PXDNL: variants seen among roughly 807,000 people sequenced by gnomAD.
PXDNL encodes probable oxidoreductase PXDNL.
Under a neutral mutation model 150.8 loss-of-function variants are expected in PXDNL, and 145 were observed. The observed-to-expected ratio is 0.96, with a 90% CI of 0.84 to 1.10. The LOEUF (loss-of-function observed/expected upper bound fraction) is 1.10. Ranked by LOEUF, PXDNL falls within the 50% of genes least tolerant of loss-of-function variation. The probability of loss-of-function intolerance (pLI) is 0.00; values close to 1 mark genes in which losing one functional copy is unlikely to be tolerated. For missense variants in PXDNL, 2,087 were observed against 1,873.9 expected (o/e 1.11, Z -2.10); for synonymous variants, 757 against 725.7 (o/e 1.04, Z -0.69).
In PXDNL at chr8:51,592,320, T is replaced by C. The variant is rs530496006; in HGVS notation, c.308+307A>G. Among the ~76,000 whole-genome samples, 3 of 152,352 alleles carry C rather than the reference T, an allele frequency of 2.0e-5. No individual in the cohort carries two copies. The South Asian group carries it at 6.2e-4, about 32-fold the overall frequency. On this transcript the variant is annotated intron_variant, in intron 3 of 22. Transcript: ENST00000356297. ...CCCTTTTCTGTGTGTATGGAATTTT[T>C]TTAAATTACTGAGTAATTAAATTTG...
chr8:51,491,301 A>G (rs150092272), intron 5 of PXDNL, among the ~76,000 whole-genome samples: 37 of 152,232 alleles, frequency 2.4e-4, no homozygotes, highest in Non-Finnish European at 4.6e-4. Context: ...CCTCTAGAGA[A>G]CCCTAATACA....
At chr8:51,332,091 C>T (rs893115513) in intron 21 of PXDNL, among the ~76,000 whole-genome samples, 3 of 152,186 alleles carry the variant, frequency 2.0e-5, no homozygotes, top group African/African-American at 4.8e-5. Context: ...CCTCTGCCAC[C>T]TCCACCAGAA....
intron 1 of PXDNL, among the ~76,000 whole-genome samples, chr8:51,666,371 A>G (rs1815385430): frequency 1.3e-5 from 2 of 152,056 alleles, no homozygotes; most frequent in Non-Finnish European, 2.9e-5. Context: ...TTTGGTTTCC[A>G]TGCAGCTATA....
At chr8:51,378,897 G>A (rs1415571867) in intron 17 of PXDNL, among the ~76,000 whole-genome samples, 1 of 152,182 alleles carries the variant, frequency 6.6e-6, no homozygotes. Context: ...TCACCTTTAA[G>A]AACTGTAACA....
intron 17 of PXDNL, among the ~76,000 whole-genome samples, chr8:51,396,900 T>G (rs1223298620): frequency 6.6e-6 from 1 of 152,216 alleles, no homozygotes; most frequent in Non-Finnish European, 1.5e-5. Flanking sequence ...AAAAAGGACT[T>G]ACTTATATTT....
chr8:51,554,737 A>G (rs1812566086), intron 4 of PXDNL, among the ~76,000 whole-genome samples: 1 of 152,116 alleles, frequency 6.6e-6, no homozygotes, highest in Non-Finnish European at 1.5e-5. Flanking sequence ...TCCAGTTTCC[A>G]TTACCTTGTT....
intron 1 of PXDNL, among the ~76,000 whole-genome samples, chr8:51,742,278 G>T (rs1451629943): frequency 2.6e-5 from 4 of 152,196 alleles, no homozygotes; most frequent in Non-Finnish European, 2.9e-5. Context: ...GGGGGGCAGG[G>T]TCAATCCTTG....
intron 8 of PXDNL, among the ~76,000 whole-genome samples, chr8:51,464,468 T>C (rs1005390026): frequency 9.6e-6 from 1 of 104,306 alleles, no homozygotes; most frequent in African/African-American, 3.4e-5. Context: ...TGCTAGAACA[T>C]TGGCTAGATT....
At chr8:51,576,785 AAG>A in intron 3 of PXDNL, among the ~76,000 whole-genome samples, 1 of 151,790 alleles carries the variant, frequency 6.6e-6, no homozygotes, top group Non-Finnish European at 1.5e-5. Context: ...CAAAGAACAA[AAG>A]AGAGAAAACA....
intron 17 of PXDNL, among the ~76,000 whole-genome samples, chr8:51,403,981 T>A (rs1808353297): frequency 6.6e-6 from 1 of 152,210 alleles, no homozygotes; most frequent in Non-Finnish European, 1.5e-5. Flanking sequence ...TCTCACTGGC[T>A]TCAAGAGTGA....
At chr8:51,368,087 A>C (rs1238134063) in intron 19 of PXDNL, among the ~76,000 whole-genome samples, 2 of 152,188 alleles carry the variant, frequency 1.3e-5, no homozygotes, top group Non-Finnish European at 2.9e-5. Flanking sequence ...AAGATCCAAG[A>C]TCACGCCATT....
intron 2 of PXDNL, among the ~76,000 whole-genome samples, chr8:51,621,874 G>A (rs1814262940): frequency 6.6e-6 from 1 of 151,424 alleles, no homozygotes; most frequent in Non-Finnish European, 1.5e-5. Flanking sequence ...AAGAGGCAGA[G>A]GTTGAGTTGC....
chr8:51,439,207 G>T (rs936664747), intron 12 of PXDNL, among the ~76,000 whole-genome samples: 3 of 152,010 alleles, frequency 2.0e-5, no homozygotes, highest in Admixed American at 2.0e-4. Flanking sequence ...GAATCTACAA[G>T]GAAATCAAAC....
chr8:51,521,760 A>G (rs541801171), intron 4 of PXDNL, among the ~76,000 whole-genome samples: 1 of 152,172 alleles, frequency 6.6e-6, no homozygotes, highest in Non-Finnish European at 1.5e-5. Flanking sequence ...AGTCAAAAGG[A>G]AAGAAAAAAG....
chr8:51,758,226 C>T (rs910799127), intron 1 of PXDNL, among the ~76,000 whole-genome samples: 6 of 151,982 alleles, frequency 3.9e-5, no homozygotes, highest in African/African-American at 7.2e-5. Flanking sequence ...CCACCTCACA[C>T]GTATTATAGC....
chr8:51,548,376 A>T (rs1812408811), intron 4 of PXDNL, among the ~76,000 whole-genome samples: 1 of 152,196 alleles, frequency 6.6e-6, no homozygotes, highest in African/African-American at 2.4e-5. Context: ...ATCATCACCT[A>T]GCCACATAGT....
chr8:51,644,616 C>T (rs1171909718), intron 2 of PXDNL, among the ~76,000 whole-genome samples: 8 of 11,510 alleles, frequency 7.0e-4, no homozygotes, highest in South Asian at 6.3e-3. Flanking sequence ...CCTGCCACCG[C>T]GCCCAGCTAT....
At chr8:51,397,284 CA>C (rs34062764) in intron 17 of PXDNL, among the ~76,000 whole-genome samples, 3 of 152,084 alleles carry the variant, frequency 2.0e-5, no homozygotes, top group Admixed American at 6.5e-5. Context: ...CAATTATGAC[CA>C]AATTATACTA....
Position 51,408,803 on chromosome 8 carries a change from G to T in PXDNL, c.2821C>A (p.Pro941Thr). Residue 941 changes from proline to threonine, a missense_variant, in exon 17 of 23, where the codon CCC becomes ACC. Coordinates refer to ENST00000356297, the MANE Select transcript of PXDNL (RefSeq NM_144651.5). ...TGCTCCTGTCGCGCGCACTCGGTGG[G>T]TGGGCCTGTAGAAAAGGGCAATAAG... ...KPLLPFSTGP[P>T]TECARQEQES... 1 of 1,570,898 alleles carries T rather than the reference G, an allele frequency of 6.4e-7. No homozygotes were observed. The highest frequency in any genetic ancestry group is 1.2e-5 in the South Asian group (1 of 83,724).
Sources: gnomAD v4.1 joint callset for allele counts (sites outside exome capture counted in the v4.1 genomes callset) on GRCh38, gnomAD v4.1.1 for gene constraint, MANE v1.5 for transcripts, NCBI Gene and HGNC (gene_info 2026-07-23, HGNC 2026-07-21) for gene names.